SPRYD4: variants seen among roughly 807,000 people sequenced by gnomAD.
SPRYD4 encodes the protein SPRY domain-containing protein 4.
SPRYD4 carries 12 observed loss-of-function variants against 16.6 expected under a neutral mutation model. The observed-to-expected ratio is 0.72, with a 90% CI of 0.46 to 1.17. The LOEUF is 1.17. Ranked by LOEUF, SPRYD4 falls within the 50% of genes most tolerant of loss-of-function variation. SPRYD4 has a pLI of 0.00. For missense variants in SPRYD4, 260 were observed against 260.2 expected (o/e 1.00, Z 0.00); for synonymous variants, 98 against 105.4 (o/e 0.93, Z 0.43).
In SPRYD4 at chr12:56,474,149, A is replaced by G. The variant is rs559423360; in HGVS notation, c.*4572A>G. On this transcript the variant is annotated 3_prime_UTR_variant, in exon 2 of 2. Transcript: ENST00000338146. ...CTCTTGTTGCCCAGGCTACAGTGCA[A>G]TGGCACAATCTCGGCTCAGTGCAAC... 4.6e-5 allele frequency: 10 copies of G among 216,724 alleles called. No homozygotes were observed. Among genetic ancestry groups the G allele is most frequent in the African/African-American group, 1.2e-4 (5 of 42,086 alleles). The allele number at this position is 216,724 out of a possible 1,614,324, so 13.4% of individuals were successfully genotyped here.
chr12:56,472,422 G>A lies in SPRYD4; in HGVS notation c.*2845G>A, dbSNP rs1234403551. Reference sequence around the variant, plus strand: ...CAGAAATATCACTCACTGCCTACCTGTGGTAAGTGCCCATTTGAGGCAGGG... The same window carrying A: ...CAGAAATATCACTCACTGCCTACCTATGGTAAGTGCCCATTTGAGGCAGGG... On this transcript the variant is annotated 3_prime_UTR_variant, in exon 2 of 2. Coordinates refer to ENST00000338146, the MANE Select transcript of SPRYD4 (RefSeq NM_207344.4). The A allele has an allele frequency of 1.7e-6, 1 of 605,730 alleles. No homozygotes were observed. The allele number at this position is 605,730 out of a possible 1,614,324, so 37.5% of individuals were successfully genotyped here.
In SPRYD4 at chr12:56,470,638, C is replaced by T. The variant is rs907451197; in HGVS notation, c.*1061C>T. ...CCACACCCGGCCAAAACTGTTTATT[C>T]TTGAGAAGTTCCATCTTCATTTCTG... On this transcript the variant is annotated 3_prime_UTR_variant, in exon 2 of 2. Coordinates refer to ENST00000338146, the MANE Select transcript of SPRYD4 (RefSeq NM_207344.4). 4 of 152,178 alleles carry T rather than the reference C, an allele frequency of 2.6e-5. No individual in the cohort carries two copies. Among genetic ancestry groups the T allele is most frequent in the Non-Finnish European group, 4.4e-5 (3 of 68,068 alleles). The allele number at this position is 152,178 out of a possible 1,614,324, so 9.4% of individuals were successfully genotyped here. A position where few individuals can be genotyped will look rare whatever the true frequency, so the allele number is the denominator to read the frequency against.
Position 56,475,911 on chromosome 12 carries a change from A to T in SPRYD4, c.*6334A>T. 1.2e-6 allele frequency: 2 copies of T among 1,613,046 alleles called. No homozygotes were observed. Among genetic ancestry groups the T allele is most frequent in the Non-Finnish European group, 1.7e-6 (2 of 1,179,168 alleles). ...GGAGAGGACAGCATGCCATGGCGAA[A>T]TGCAGCCAGGGGCTAAGTAGCAAGG... On this transcript the variant is annotated 3_prime_UTR_variant, in exon 2 of 2. Coordinates refer to ENST00000338146, the MANE Select transcript of SPRYD4 (RefSeq NM_207344.4).
chr12:56,477,799 AG>A lies in SPRYD4; in HGVS notation c.*8223del, dbSNP rs1436022431. ...GCCCGCTCACTTTGTGGGTTAGACA[AG>A]AAAGACTGCTAGGGAGAAAGGCATG... On this transcript the variant is annotated 3_prime_UTR_variant, in exon 2 of 2. Coordinates refer to ENST00000338146, the MANE Select transcript of SPRYD4 (RefSeq NM_207344.4). The A allele has an allele frequency of 5.8e-6, 9 of 1,552,190 alleles. No homozygotes were observed. The African/African-American group carries it at 1.2e-4, about 21-fold the overall frequency.
Position 56,472,296 on chromosome 12 carries a change from G to GA in SPRYD4, c.*2722dup, listed in dbSNP as rs1222805319. 35 of 1,059,338 alleles carry GA rather than the reference G, an allele frequency of 3.3e-5. No individual in the cohort carries two copies. The highest frequency in any genetic ancestry group is 4.5e-5 in the Non-Finnish European group (31 of 687,852). 65.6% of individuals were successfully genotyped at this position (1,059,338 alleles called of 1,614,324 possible). On this transcript the variant is annotated 3_prime_UTR_variant, in exon 2 of 2. Transcript: ENST00000338146. ...AGACTGGATGAGTTTCAGAGAAAGT[G>GA]AAACAGCCTATAGCCAGATTTGTTG... is the stretch of plus-strand genomic sequence containing the variant.
chr12:56,469,549 C>G lies in SPRYD4; in HGVS notation c.596C>G (p.Ser199Ter), dbSNP rs770770540. The G allele has an allele frequency of 6.2e-7, 1 of 1,613,928 alleles. No homozygotes were observed. The highest frequency in any genetic ancestry group is 1.7e-5 in the Admixed American group (1 of 60,008). Residue 199 changes from serine to a stop codon, truncating the protein, a stop_gained, in exon 2 of 2, where the codon TCA becomes TGA. Transcript: ENST00000338146. LOFTEE classifies it high-confidence loss of function. ...TGGGATGGGGAGCTGCTGACCCATT[C>G]AGGGCTTGAGGTGCCCGAGGGCCTC... ...ALWDGELLTH[S>*]GLEVPEGL is the part of the protein sequence containing the mutation.
Position 56,473,746 on chromosome 12 carries a change from TC to T in SPRYD4, c.*4171del. The stretch of plus-strand genomic sequence containing the variant: ...CTTGTTAATTAGCTTCTTTTATTAC[TC>T]CTGTCCTTTCCTTCCCTTAAATTCA... On this transcript the variant is annotated 3_prime_UTR_variant, in exon 2 of 2. Transcript: ENST00000338146. 1.2e-6 allele frequency: 1 copy of T among 826,944 alleles called. No homozygotes were observed. The highest frequency in any genetic ancestry group is 3.4e-5 in the Admixed American group (1 of 29,240). 51.2% of individuals were successfully genotyped at this position (826,944 alleles called of 1,614,324 possible). A position where few individuals can be genotyped will look rare whatever the true frequency, so the allele number is the denominator to read the frequency against.
chr12:56,475,021 C>T lies in SPRYD4; in HGVS notation c.*5444C>T, dbSNP rs778336292. The T allele has an allele frequency of 6.2e-7, 1 of 1,614,060 alleles. No homozygotes were observed. Among genetic ancestry groups the T allele is most frequent in the Admixed American group, 1.7e-5 (1 of 60,020 alleles). ...TAGCAGCAGAATTCCCAGGGACTTTCTCTTCCGGCCTCTTCTGGTTACCTT... is the reference window on the plus strand; with the variant it reads ...TAGCAGCAGAATTCCCAGGGACTTTTTCTTCCGGCCTCTTCTGGTTACCTT... On this transcript the variant is annotated 3_prime_UTR_variant, in exon 2 of 2. Coordinates refer to ENST00000338146, the MANE Select transcript of SPRYD4 (RefSeq NM_207344.4).
Position 56,474,678 on chromosome 12 carries a change from C to T in SPRYD4, c.*5101C>T, listed in dbSNP as rs1592274621. 1 of 1,612,890 alleles carries T rather than the reference C, an allele frequency of 6.2e-7. No individual in the cohort carries two copies. The highest frequency in any genetic ancestry group is 8.5e-7 in the Non-Finnish European group (1 of 1,179,178). On this transcript the variant is annotated 3_prime_UTR_variant, in exon 2 of 2. Transcript: ENST00000338146. The stretch of plus-strand genomic sequence containing the variant: ...ATCCCACCGTTGGCGAGGGTGGCTG[C>T]CATGACACTGCCTGATTCACAAGTG...
chr12:56,477,777 C>T lies in SPRYD4; in HGVS notation c.*8200C>T, dbSNP rs534737604. ...ACTGAACAAAGCCTCCCTGACAGCC[C>T]GCTCACTTTGTGGGTTAGACAAGAA... On this transcript the variant is annotated 3_prime_UTR_variant, in exon 2 of 2. Transcript: ENST00000338146. 1.0e-4 allele frequency: 164 copies of T among 1,570,952 alleles called. No individual in the cohort carries two copies. In the East Asian group the frequency reaches 3.2e-3, roughly 31 times the overall value.
chr12:56,478,164 C>T lies in SPRYD4; in HGVS notation c.*8587C>T, dbSNP rs1869989694. On this transcript the variant is annotated 3_prime_UTR_variant, in exon 2 of 2. Transcript: ENST00000338146. ...GGCACCTGTGCCCTGCCTCCCCTTC[C>T]TCTTGCCCAGCATCTCACCGTTGAC... The T allele has an allele frequency of 6.2e-7, 1 of 1,614,242 alleles. No homozygotes were observed. Among genetic ancestry groups the T allele is most frequent in the African/African-American group, 1.3e-5 (1 of 75,072 alleles).
chr12:56,472,005 T>C lies in SPRYD4; in HGVS notation c.*2428T>C. 1.5e-6 allele frequency: 2 copies of C among 1,323,670 alleles called. No homozygotes were observed. Among genetic ancestry groups the C allele is most frequent in the Non-Finnish European group, 2.2e-6 (2 of 929,022 alleles). The allele number at this position is 1,323,670 out of a possible 1,614,324, so 82.0% of individuals were successfully genotyped here. On this transcript the variant is annotated 3_prime_UTR_variant, in exon 2 of 2. Coordinates refer to ENST00000338146, the MANE Select transcript of SPRYD4 (RefSeq NM_207344.4). ...AGCTGCAAACCGAAGGGTGTCTAGA[T>C]AAAACTAGTTGCTGCCCCTATAACC...
rs1870067182 is a variant in SPRYD4 at position 56,478,987 on chromosome 12, A to G, written c.*9410A>G. Reference sequence around the variant, plus strand: ...TGACAGAGCAAAACTCTGTCTCAGGAAAAAAAAAAAAAAAAAAAATCTGGC... The same window carrying G: ...TGACAGAGCAAAACTCTGTCTCAGGGAAAAAAAAAAAAAAAAAAATCTGGC... On this transcript the variant is annotated 3_prime_UTR_variant, in exon 2 of 2. Transcript: ENST00000338146. 13 of 62,286 alleles carry G rather than the reference A, an allele frequency of 2.1e-4. No individual in the cohort carries two copies. The highest frequency in any genetic ancestry group is 6.9e-4 in the East Asian group (2 of 2,902). The allele number at this position is 62,286 out of a possible 1,614,324, so 3.9% of individuals were successfully genotyped here.
rs557023745 is a variant in SPRYD4 at position 56,471,163 on chromosome 12, G to C, written c.*1586G>C. The C allele has an allele frequency of 7.0e-6, 3 of 427,780 alleles. No individual in the cohort carries two copies. The highest frequency in any genetic ancestry group is 6.1e-5 in the African/African-American group (3 of 49,496). 26.5% of individuals were successfully genotyped at this position (427,780 alleles called of 1,614,324 possible). A position where few individuals can be genotyped will look rare whatever the true frequency, so the allele number is the denominator to read the frequency against. On this transcript the variant is annotated 3_prime_UTR_variant, in exon 2 of 2. Transcript: ENST00000338146. ...CCCTCCACCAGAGTATCTCTCTCAT[G>C]ATGGTTTCTTCAGGGAGAGGAAGAG...
chr12:56,469,469 GGT>G lies in SPRYD4; in HGVS notation c.517_518del (p.Val173SerfsTer29). The G allele has an allele frequency of 2.5e-6, 4 of 1,614,116 alleles. No individual in the cohort carries two copies. Among genetic ancestry groups the G allele is most frequent in the Non-Finnish European group, 3.4e-6 (4 of 1,180,024 alleles). On this transcript the variant is annotated frameshift_variant, in exon 2 of 2. Coordinates refer to ENST00000338146, the MANE Select transcript of SPRYD4 (RefSeq NM_207344.4). LOFTEE classifies it high-confidence loss of function. ...SLVDVSQVSV[V>X]HTLQTDFRGP... ...TGGTGGATGTGAGCCAGGTCTCTGT[GGT>G]TCACACGCTACAGACAGATTTCCGG...
In SPRYD4 at chr12:56,474,478, A is replaced by T; in HGVS notation, c.*4901A>T. The stretch of plus-strand genomic sequence containing the variant: ...AACAAGCTTCCACCTCTATCTTGAG[A>T]GAGTCAGTGTTCTCTCTTCTTAGCA... On this transcript the variant is annotated 3_prime_UTR_variant, in exon 2 of 2. Transcript: ENST00000338146. 6.3e-7 allele frequency: 1 copy of T among 1,589,498 alleles called. No homozygotes were observed. Among genetic ancestry groups the T allele is most frequent in the South Asian group, 1.1e-5 (1 of 89,894 alleles).
chr12:56,477,485 T>C lies in SPRYD4; in HGVS notation c.*7908T>C, dbSNP rs1044490694. 5 of 621,870 alleles carry C rather than the reference T, an allele frequency of 8.0e-6. No homozygotes were observed. The highest frequency in any genetic ancestry group is 2.8e-5 in the Admixed American group (1 of 35,374). The allele number at this position is 621,870 out of a possible 1,614,324, so 38.5% of individuals were successfully genotyped here. On this transcript the variant is annotated 3_prime_UTR_variant, in exon 2 of 2. Coordinates refer to ENST00000338146, the MANE Select transcript of SPRYD4 (RefSeq NM_207344.4). Reference sequence around the variant, plus strand: ...ATGACGGAGGTGGTGCAGTCTCTTATACTGACATTGTCAGCATAACATGTG... The same window carrying C: ...ATGACGGAGGTGGTGCAGTCTCTTACACTGACATTGTCAGCATAACATGTG...
rs2657880 is a variant in SPRYD4, at chr12:56,469,986, G to C, written c.*409G>C. On this transcript the variant is annotated 3_prime_UTR_variant, in exon 2 of 2. Transcript: ENST00000338146. The stretch of plus-strand genomic sequence containing the variant: ...ACTTGTTCTTGGGGCTCTACCAGAT[G>C]GCTGAAGAGTAAATCCTTTCTACCT... 0.15 allele frequency: 27,229 copies of C among 180,158 alleles called. 2,447 individuals carry two copies. Among genetic ancestry groups the C allele is most frequent in the Middle Eastern group, 0.21 (75 of 354 alleles). 11.2% of individuals were successfully genotyped at this position (180,158 alleles called of 1,614,324 possible).
In SPRYD4 at chr12:56,478,660, C is replaced by T. The variant is rs1231200709; in HGVS notation, c.*9083C>T. On this transcript the variant is annotated 3_prime_UTR_variant, in exon 2 of 2. Coordinates refer to ENST00000338146, the MANE Select transcript of SPRYD4 (RefSeq NM_207344.4). ...CATTTACAGAAGTTCTGCTTCTCAT[C>T]TCTCATTCATAGGACTCCCAGCCCC... 1 of 262,372 alleles carries T rather than the reference C, an allele frequency of 3.8e-6. No individual in the cohort carries two copies. Among genetic ancestry groups the T allele is most frequent in the Non-Finnish European group, 7.4e-6 (1 of 135,296 alleles). The allele number at this position is 262,372 out of a possible 1,614,324, so 16.3% of individuals were successfully genotyped here.
Sources: allele counts gnomAD v4.1 joint callset, GRCh38; gene constraint gnomAD v4.1.1; transcripts MANE v1.5; gene names NCBI Gene and HGNC (gene_info 2026-07-23, HGNC 2026-07-21).